CDK19: variants seen among roughly 807,000 people sequenced by gnomAD.
The protein encoded by CDK19 is cyclin-dependent kinase 19.
A neutral mutation model predicts 68.3 loss-of-function variants in CDK19; 20 were observed. The ratio of observed to expected loss-of-function variants is 0.29; its 90% CI spans 0.21 to 0.43. The LOEUF (loss-of-function observed/expected upper bound fraction) is 0.43, where lower values mean the gene tolerates loss of function less well. Among genes scored for constraint, CDK19 ranks in the 20% least tolerant of loss-of-function variants. CDK19 has a pLI of 1.00. For missense variants in CDK19, 339 were observed against 623.5 expected (o/e 0.54, Z 4.86); for synonymous variants, 221 against 222.8 (o/e 0.99, Z 0.07).
chr6:110,741,799 AT>A, intron 2 of CDK19, among the ~76,000 whole-genome samples: 1 of 152,320 alleles, frequency 6.6e-6, no homozygotes, highest in African/African-American at 2.4e-5. Context: ...AGAATTCTAC[AT>A]CCAACAACAC....
intron 2 of CDK19, among the ~76,000 whole-genome samples, chr6:110,704,873 A>C (rs921005038): frequency 6.6e-6 from 1 of 152,092 alleles, no homozygotes; most frequent in African/African-American, 2.4e-5. Context: ...AATGGCAATA[A>C]AAATAGAAAG....
intron 4 of CDK19, among the ~76,000 whole-genome samples, chr6:110,653,019 A>C (rs572708672): frequency 1.3e-5 from 2 of 152,284 alleles, no homozygotes; most frequent in African/African-American, 4.8e-5. Flanking sequence ...TTGCAGAAGG[A>C]AGTCATTTTT....
intron 1 of CDK19, among the ~76,000 whole-genome samples, chr6:110,764,952 A>AAAATAAAT (rs57218365): frequency 0.17 from 24,372 of 140,942 alleles, 2,811 homozygotes; most frequent in Middle Eastern, 0.29. Flanking sequence ...CTCCATCTCA[A>AAAATAAAT]AAATAAATAA....
intron 4 of CDK19, among the ~76,000 whole-genome samples, chr6:110,642,625 G>C (rs1182470425): frequency 6.6e-6 from 1 of 152,174 alleles, no homozygotes; most frequent in Non-Finnish European, 1.5e-5. Context: ...TAAGTGCTCT[G>C]AGGGACCCTC....
At chr6:110,720,414 G>A (rs904986606) in intron 2 of CDK19, among the ~76,000 whole-genome samples, 1 of 152,036 alleles carries the variant, frequency 6.6e-6, no homozygotes, top group Non-Finnish European at 1.5e-5. Flanking sequence ...GTGCTGTCAG[G>A]TACTCAATCA....
intron 2 of CDK19, among the ~76,000 whole-genome samples, chr6:110,691,029 T>C (rs1772935117): frequency 6.6e-6 from 1 of 151,966 alleles, no homozygotes; most frequent in Non-Finnish European, 1.5e-5. Context: ...CAAACCAAGA[T>C]GAAATATTCG....
At chr6:110,725,953 T>C (rs2114769588) in intron 2 of CDK19, among the ~76,000 whole-genome samples, 1 of 152,322 alleles carries the variant, frequency 6.6e-6, no homozygotes, top group South Asian at 2.1e-4. Context: ...ATTTTATAAA[T>C]AAACTCTTTC....
At chr6:110,647,976 TA>T (rs1249483094) in intron 4 of CDK19, among the ~76,000 whole-genome samples, 1 of 152,162 alleles carries the variant, frequency 6.6e-6, no homozygotes, top group African/African-American at 2.4e-5. Context: ...AAGAAAATTA[TA>T]AAATCATCTT....
chr6:110,666,424 C>CAAAAA (rs57791161), intron 4 of CDK19, among the ~76,000 whole-genome samples: 35 of 47,926 alleles, frequency 7.3e-4, no homozygotes, highest in South Asian at 1.2e-3. Context: ...GACTCTGTCT[C>CAAAAA]AAAAAAAAAA....
At chr6:110,782,895 T>A (rs577602908) in intron 1 of CDK19, among the ~76,000 whole-genome samples, 3 of 152,198 alleles carry the variant, frequency 2.0e-5, no homozygotes, top group Non-Finnish European at 4.4e-5. Flanking sequence ...CACAATTTTA[T>A]ACATTTTGCT....
At chr6:110,692,103 G>A (rs192912798) in intron 2 of CDK19, among the ~76,000 whole-genome samples, 1 of 151,700 alleles carries the variant, frequency 6.6e-6, no homozygotes, top group African/African-American at 2.4e-5. Context: ...AGACCATCCT[G>A]GCCAATATGA....
chr6:110,756,069 G>A (rs987312513), intron 1 of CDK19, among the ~76,000 whole-genome samples: 4 of 152,028 alleles, frequency 2.6e-5, no homozygotes, highest in Non-Finnish European at 4.4e-5. Flanking sequence ...GACCAGCCTG[G>A]GCCACATGGT....
At chr6:110,700,826 A>G in intron 2 of CDK19, 1 of 192,468 alleles carries the variant, frequency 5.2e-6, no homozygotes, top group Non-Finnish European at 1.1e-5. Context: ...CAGTCCTTCC[A>G]AGATTGTCAA....
chr6:110,814,584 G>A (rs1376536818), intron 1 of CDK19: 2 of 458,624 alleles, frequency 4.4e-6, no homozygotes, highest in Non-Finnish European at 8.7e-6. Flanking sequence ...GCCCCCGCGA[G>A]GCGCTCAGCC....
At chr6:110,726,284 T>C (rs913207153) in intron 2 of CDK19, among the ~76,000 whole-genome samples, 5 of 152,196 alleles carry the variant, frequency 3.3e-5, no homozygotes, top group South Asian at 2.1e-4. Context: ...GGTAAATTAA[T>C]GCAAGCATTT....
intron 2 of CDK19, among the ~76,000 whole-genome samples, chr6:110,688,108 G>T (rs142257223): frequency 6.6e-6 from 1 of 152,082 alleles, no homozygotes; most frequent in Admixed American, 6.6e-5. Context: ...AGGGAAGGCC[G>T]GGCATGGTGG....
At chr6:110,734,241 C>T (rs992163807) in intron 2 of CDK19, among the ~76,000 whole-genome samples, 3 of 152,056 alleles carry the variant, frequency 2.0e-5, no homozygotes, top group Non-Finnish European at 4.4e-5. Context: ...AACTCCTGAG[C>T]TCAAGTGATC....
chr6:110,686,807 T>A (rs980870970), intron 2 of CDK19, among the ~76,000 whole-genome samples: 9 of 152,248 alleles, frequency 5.9e-5, no homozygotes, highest in African/African-American at 2.2e-4. Context: ...TGTAATTTTA[T>A]CCTATGTGGC....
intron 1 of CDK19, among the ~76,000 whole-genome samples, chr6:110,746,434 T>C (rs1398608388): frequency 1.3e-5 from 2 of 152,082 alleles, no homozygotes; most frequent in Non-Finnish European, 2.9e-5. Context: ...AAATTCAAAA[T>C]TGAAACAGAA....
Sources: gnomAD v4.1 joint callset for allele counts (sites outside exome capture counted in the v4.1 genomes callset) on GRCh38, gnomAD v4.1.1 for gene constraint, MANE v1.5 for transcripts, NCBI Gene and HGNC (gene_info 2026-07-23, HGNC 2026-07-21) for gene names.